NPAS3: variants seen among roughly 807,000 people sequenced by gnomAD.
NPAS3 encodes the protein neuronal PAS domain-containing protein 3.
NPAS3 carries 14 observed loss-of-function variants against 73.1 expected under a neutral mutation model. The observed-to-expected ratio is 0.19, with a 90% CI of 0.13 to 0.30. The LOEUF is 0.30. Ranked by LOEUF, NPAS3 falls within the 10% of genes least tolerant of loss-of-function variation. The pLI, the probability that NPAS3 is intolerant of heterozygous loss-of-function variation, is 1.00. For missense variants in NPAS3, 1,096 were observed against 1,250.0 expected (o/e 0.88, Z 1.86); for synonymous variants, 620 against 541.5 (o/e 1.14, Z -2.01).
chr14:33,760,025 T>A (rs566806408), intron 7 of NPAS3, among the ~76,000 whole-genome samples: 1 of 152,320 alleles, frequency 6.6e-6, no homozygotes, highest in African/African-American at 2.4e-5. Flanking sequence ...TGACAATTTC[T>A]CAATCTTAAG....
intron 7 of NPAS3, among the ~76,000 whole-genome samples, chr14:33,760,254 A>G (rs1032565009): frequency 6.6e-6 from 1 of 151,990 alleles, no homozygotes; most frequent in African/African-American, 2.4e-5. Flanking sequence ...CTGAGCTACC[A>G]TCTTCTCCCT....
chr14:33,238,275 A>G (rs959697138), intron 3 of NPAS3, among the ~76,000 whole-genome samples: 10 of 152,158 alleles, frequency 6.6e-5, no homozygotes, highest in African/African-American at 2.4e-4. Context: ...GTACTAGGAT[A>G]ATGAATTCTG....
intron 1 of NPAS3, among the ~76,000 whole-genome samples, chr14:33,024,406 A>C (rs55921031): frequency 6.6e-6 from 1 of 151,840 alleles, no homozygotes; most frequent in Non-Finnish European, 1.5e-5. Flanking sequence ...TACTGACCTC[A>C]TGATCCGCCT....
chr14:32,966,747 G>A (rs1309466246), intron 1 of NPAS3, among the ~76,000 whole-genome samples: 1 of 71,406 alleles, frequency 1.4e-5, no homozygotes, highest in African/African-American at 7.0e-5. Context: ...TCCGCAGTCC[G>A]GCCTGGGCGA....
At chr14:33,267,078 T>C (rs568667028) in intron 3 of NPAS3, among the ~76,000 whole-genome samples, 102 of 152,326 alleles carry the variant, frequency 6.7e-4, no homozygotes, top group Non-Finnish European at 4.4e-4. Flanking sequence ...AAATCTGCTA[T>C]TGTATATTGC....
At chr14:33,659,805 T>G (rs2059255680) in intron 5 of NPAS3, among the ~76,000 whole-genome samples, 1 of 152,144 alleles carries the variant, frequency 6.6e-6, no homozygotes, top group Admixed American at 6.6e-5. Flanking sequence ...TTGCTTTGTT[T>G]TGTGTTGTGC....
At chr14:33,132,239 G>T (rs1566593533) in intron 2 of NPAS3, among the ~76,000 whole-genome samples, 1 of 152,102 alleles carries the variant, frequency 6.6e-6, no homozygotes, top group Non-Finnish European at 1.5e-5. Context: ...TTGGTGACTA[G>T]TTTAATGTGG....
intron 4 of NPAS3, among the ~76,000 whole-genome samples, chr14:33,516,392 T>C (rs2053299324): frequency 6.6e-6 from 1 of 152,186 alleles, no homozygotes; most frequent in African/African-American, 2.4e-5. Context: ...TTCTACCACT[T>C]GTAAATACAA....
rs537009195 is a variant in NPAS3 at position 33,501,630 on chromosome 14, G to GTT, written c.469-58478_469-58477dup. On this transcript the variant is annotated intron_variant, in intron 4 of 11. Coordinates refer to ENST00000356141, the Ensembl canonical transcript of NPAS3. Reference sequence around the variant, plus strand: ...AGTCTCCCTTCTAGAATCTGGATTTGTTTTTTTTTTTTTTACCTTCAAAAA... The same window carrying GTT: ...AGTCTCCCTTCTAGAATCTGGATTTGTTTTTTTTTTTTTTTTACCTTCAAAAA... Among the ~76,000 whole-genome samples, 373 of 138,564 alleles carry GTT rather than the reference G, an allele frequency of 2.7e-3. 2 individuals carry two copies. The highest frequency in any genetic ancestry group is 8.2e-3 in the African/African-American group (310 of 37,788). The allele number at this position is 138,564 out of a possible 152,430, so 90.9% of individuals were successfully genotyped here. A position where few individuals can be genotyped will look rare whatever the true frequency, so the allele number is the denominator to read the frequency against.
chr14:33,580,672 G>A (rs1369516636), intron 5 of NPAS3, among the ~76,000 whole-genome samples: 2 of 152,218 alleles, frequency 1.3e-5, no homozygotes, highest in Non-Finnish European at 2.9e-5. Context: ...AAATTGCTCA[G>A]CTCACTCTAA....
chr14:33,757,087 G>A (rs996385129), intron 7 of NPAS3, among the ~76,000 whole-genome samples: 1 of 152,202 alleles, frequency 6.6e-6, no homozygotes, highest in African/African-American at 2.4e-5. Context: ...AGGAGATGCT[G>A]GACAAAGCAT....
In NPAS3 at chr14:33,566,365, G is replaced by C. The variant is rs139448570; in HGVS notation, c.558+6155G>C. On this transcript the variant is annotated intron_variant, in intron 5 of 11. Transcript: ENST00000356141. ...TTGTCTACGTTCTGACTTTGTGCAT[G>C]TCAAGGTTCCTCCCGGCAGGATCCT... is the stretch of plus-strand genomic sequence containing the variant. Among the ~76,000 whole-genome samples, 187 of 152,202 alleles carry C rather than the reference G, an allele frequency of 1.2e-3. 1 individual carries two copies. The highest frequency in any genetic ancestry group is 4.2e-3 in the African/African-American group (174 of 41,502).
At chr14:33,217,146 T>C (rs1012560393) in intron 3 of NPAS3, among the ~76,000 whole-genome samples, 13 of 151,740 alleles carry the variant, frequency 8.6e-5, no homozygotes, top group African/African-American at 2.7e-4. Flanking sequence ...AAAAGGGGAA[T>C]TGCCACTTTT....
At chr14:32,992,684 T>C (rs1342399172) in intron 1 of NPAS3, among the ~76,000 whole-genome samples, 1 of 152,220 alleles carries the variant, frequency 6.6e-6, no homozygotes, top group Non-Finnish European at 1.5e-5. Context: ...CATGTGAAGA[T>C]ACTAAATATT....
intron 6 of NPAS3, among the ~76,000 whole-genome samples, chr14:33,693,418 A>T (rs189216683): frequency 7.9e-5 from 12 of 152,290 alleles, no homozygotes; most frequent in African/African-American, 2.9e-4. Flanking sequence ...CCGCATACCC[A>T]TGTGGAGATC....
intron 2 of NPAS3, among the ~76,000 whole-genome samples, chr14:33,194,905 C>G (rs1594358543): frequency 6.6e-6 from 1 of 152,138 alleles, no homozygotes; most frequent in Non-Finnish European, 1.5e-5. Flanking sequence ...GAAGAAGTAG[C>G]ATTTAGGATC....
At chr14:33,698,644 G>A (rs186519473) in intron 6 of NPAS3, among the ~76,000 whole-genome samples, 31 of 152,162 alleles carry the variant, frequency 2.0e-4, no homozygotes, top group East Asian at 3.9e-4. Flanking sequence ...TCCCCTAAAC[G>A]TTAGCTTTAA....
Position 33,565,307 on chromosome 14 carries a change from A to G in NPAS3, c.558+5097A>G, listed in dbSNP as rs189004098. ...GCAAATAAAATTACAGCTACAGCAC[A>G]CAAGTACAAGGTCAAATAAATGACA... On this transcript the variant is annotated intron_variant, in intron 5 of 11. Coordinates refer to ENST00000356141, the Ensembl canonical transcript of NPAS3. Among the ~76,000 whole-genome samples the G allele has an allele frequency of 1.1e-3, 167 of 152,380 alleles. 2 individuals carry two copies. The highest frequency in any genetic ancestry group is 3.8e-3 in the African/African-American group (158 of 41,596).
Position 33,073,059 on chromosome 14 carries a change from T to G in NPAS3, c.140+17065T>G, listed in dbSNP as rs181726583. On this transcript the variant is annotated intron_variant, in intron 2 of 11. Coordinates refer to ENST00000356141, the Ensembl canonical transcript of NPAS3. ...TAAATGATGGTGATGCCATCACTGC[T>G]GGGTTTTAATATTCCATTTTAATCA... Among the ~76,000 whole-genome samples, 928 of 152,310 alleles carry G rather than the reference T, an allele frequency of 6.1e-3. 10 individuals are homozygous for G. Among genetic ancestry groups the G allele is most frequent in the African/African-American group, 0.021 (875 of 41,562 alleles).
Sources: allele counts gnomAD v4.1 joint callset (sites outside exome capture counted in the v4.1 genomes callset), GRCh38; gene constraint gnomAD v4.1.1; transcripts MANE v1.5; gene names NCBI Gene and HGNC (gene_info 2026-07-23, HGNC 2026-07-21).